TMEM108: variants seen among roughly 807,000 people sequenced by gnomAD.
TMEM108 encodes transmembrane protein 108, also known as cancer/testis antigen 124.
Under a neutral mutation model 35.1 loss-of-function variants are expected in TMEM108, and 12 were observed. The ratio of observed to expected loss-of-function variants is 0.34; its 90% confidence interval spans 0.22 to 0.55. The LOEUF (loss-of-function observed/expected upper bound fraction) is 0.55. TMEM108 is among the 20% of genes least tolerant of loss of function. The pLI is 0.89. For synonymous variants in TMEM108, 287 were observed against 308.6 expected (o/e 0.93, Z 0.73); for missense variants, 680 against 753.3 (o/e 0.90, Z 1.14).
At chr3:133,366,788 G>A (rs1038750471) in intron 3 of TMEM108, among the ~76,000 whole-genome samples, 1 of 152,214 alleles carries the variant, frequency 6.6e-6, no homozygotes, top group Admixed American at 6.5e-5. Flanking sequence ...GTTTTGTGAA[G>A]ATTAAGATGA....
intron 2 of TMEM108, among the ~76,000 whole-genome samples, chr3:133,106,046 C>G (rs1450977097): frequency 6.6e-6 from 1 of 151,890 alleles, no homozygotes; most frequent in Non-Finnish European, 1.5e-5. Flanking sequence ...GAATTTATAA[C>G]CTAATAGGGG....
intron 3 of TMEM108, among the ~76,000 whole-genome samples, chr3:133,276,912 G>T (rs1470337686): frequency 6.6e-6 from 1 of 152,142 alleles, no homozygotes; most frequent in African/African-American, 2.4e-5. Flanking sequence ...AGAAGCAGGT[G>T]GCAAATTTGA....
intron 2 of TMEM108, among the ~76,000 whole-genome samples, chr3:133,093,063 C>T (rs1164119433): frequency 1.3e-5 from 2 of 150,540 alleles, no homozygotes; most frequent in African/African-American, 4.9e-5. Context: ...GATCTTGGCT[C>T]ACTGCAACCT....
At chr3:133,393,638 C>T (rs1226826651) in intron 5 of TMEM108, among the ~76,000 whole-genome samples, 1 of 152,150 alleles carries the variant, frequency 6.6e-6, no homozygotes, top group Non-Finnish European at 1.5e-5. Flanking sequence ...ACACATTTTG[C>T]ATGGAAAAGG....
At chr3:133,347,811 T>C (rs911793558) in intron 3 of TMEM108, among the ~76,000 whole-genome samples, 2 of 152,064 alleles carry the variant, frequency 1.3e-5, no homozygotes, top group Non-Finnish European at 2.9e-5. Flanking sequence ...GAAATTTTTT[T>C]CATAATTGCA....
At chr3:133,339,060 A>G (rs1485584471) in intron 3 of TMEM108, among the ~76,000 whole-genome samples, 1 of 151,976 alleles carries the variant, frequency 6.6e-6, no homozygotes, top group Non-Finnish European at 1.5e-5. Flanking sequence ...AGAAGACCAC[A>G]AAACAACCAG....
At chr3:133,273,384 C>T (rs1308354123) in intron 3 of TMEM108, among the ~76,000 whole-genome samples, 1 of 152,174 alleles carries the variant, frequency 6.6e-6, no homozygotes, top group Non-Finnish European at 1.5e-5. Flanking sequence ...CATCAGAAGC[C>T]TTGGATTTTT....
At chr3:133,333,754 A>G (rs1348475829) in intron 3 of TMEM108, among the ~76,000 whole-genome samples, 2 of 152,144 alleles carry the variant, frequency 1.3e-5, no homozygotes, top group African/African-American at 2.4e-5. Context: ...ATCTTTCTGG[A>G]GAGTTTAGTT....
At chr3:133,259,810 G>A (rs1417958609) in intron 3 of TMEM108, among the ~76,000 whole-genome samples, 1 of 152,204 alleles carries the variant, frequency 6.6e-6, no homozygotes. Context: ...GACAAACCTT[G>A]GAGGAATGGG....
At chr3:133,230,825 G>A (rs181575813) in intron 3 of TMEM108, among the ~76,000 whole-genome samples, 3 of 152,284 alleles carry the variant, frequency 2.0e-5, no homozygotes, top group East Asian at 3.9e-4. Flanking sequence ...AGAGAGACAA[G>A]ACTTATCCTA....
At chr3:133,064,121 G>C (rs990690718) in intron 2 of TMEM108, among the ~76,000 whole-genome samples, 5 of 152,118 alleles carry the variant, frequency 3.3e-5, no homozygotes, top group Non-Finnish European at 5.9e-5. Context: ...GTGTGATGGT[G>C]CCCTGTAAGA....
At chr3:133,170,651 G>A (rs767797169) in intron 2 of TMEM108, among the ~76,000 whole-genome samples, 3 of 151,926 alleles carry the variant, frequency 2.0e-5, no homozygotes, top group Non-Finnish European at 4.4e-5. Flanking sequence ...CAAAGGAATG[G>A]TCAAAATATT....
chr3:133,324,999 G>A (rs2071313068), intron 3 of TMEM108, among the ~76,000 whole-genome samples: 1 of 151,768 alleles, frequency 6.6e-6, no homozygotes, highest in South Asian at 2.1e-4. Flanking sequence ...AGAAGAAGAA[G>A]TCATTATATG....
At chr3:133,210,783 G>A (rs1302422185) in intron 2 of TMEM108, among the ~76,000 whole-genome samples, 2 of 152,146 alleles carry the variant, frequency 1.3e-5, no homozygotes, top group Non-Finnish European at 2.9e-5. Flanking sequence ...TCAGATGATA[G>A]CTGTGTCTGT....
chr3:133,322,696 C>T (rs933961794), intron 3 of TMEM108, among the ~76,000 whole-genome samples: 11 of 152,110 alleles, frequency 7.2e-5, no homozygotes, highest in Admixed American at 2.6e-4. Flanking sequence ...AATTCCAAAA[C>T]CAGGAAAGGA....
Position 133,390,322 on chromosome 3 carries a change from T to A in TMEM108, c.1593T>A (p.Leu531=). The change falls in exon 5 of 6, where the codon CTT becomes CTA. Residue 531 remains leucine, a synonymous_variant. Transcript: ENST00000321871. The stretch of plus-strand genomic sequence containing the variant: ...AGCTGCCCAGGGAGATCCAGTCCCT[T>A]GAAACCTCTGAGGTAATGAGCTTGA... ...AVELPREIQS[L]ETSEDQLSEP... 6.2e-7 allele frequency: 1 copy of A among 1,614,132 alleles called. No homozygotes were observed. Among genetic ancestry groups the A allele is most frequent in the Non-Finnish European group, 8.5e-7 (1 of 1,180,026 alleles).
rs1263784014 is a variant in TMEM108 at position 133,379,776 on chromosome 3, C to T, written c.65C>T (p.Thr22Ile). The T allele has an allele frequency of 1.2e-6, 2 of 1,613,646 alleles. No homozygotes were observed. Among genetic ancestry groups the T allele is most frequent in the Non-Finnish European group, 1.7e-6 (2 of 1,179,814 alleles). ...GGTTTCCTGCTGATCTTGGCACTGACCGAAGCGCTGGCATTTGCCATCCAG... is the reference window on the plus strand; with the variant it reads ...GGTTTCCTGCTGATCTTGGCACTGATCGAAGCGCTGGCATTTGCCATCCAG... ...LLSFLLILAL[T>I]EALAFAIQEP... Residue 22 changes from threonine (T) to isoleucine (I), a missense_variant, in exon 4 of 6, where the codon ACC becomes ATC. Transcript: ENST00000321871.
chr3:133,262,277 C>T (rs1260792513), intron 3 of TMEM108, among the ~76,000 whole-genome samples: 1 of 152,164 alleles, frequency 6.6e-6, no homozygotes, highest in Non-Finnish European at 1.5e-5. Context: ...ATGCAGTTTT[C>T]CTGGGCTCAG....
chr3:133,383,987 A>C (rs1238011948), intron 4 of TMEM108, among the ~76,000 whole-genome samples: 1 of 152,282 alleles, frequency 6.6e-6, no homozygotes, highest in East Asian at 1.9e-4. Flanking sequence ...GGCTCCAGTG[A>C]GAGGGCCATT....
Sources: allele counts gnomAD v4.1 joint callset (sites outside exome capture counted in the v4.1 genomes callset), GRCh38; gene constraint gnomAD v4.1.1; transcripts MANE v1.5; gene names NCBI Gene and HGNC (gene_info 2026-07-23, HGNC 2026-07-21).